AMPH: variants seen among roughly 807,000 people sequenced by gnomAD.
AMPH encodes amphiphysin (Stiff-Mann syndrome with breast cancer 128kD autoantigen).
Under a neutral mutation model 99.1 loss-of-function variants are expected in AMPH, and 49 were observed. That is an observed-to-expected ratio of 0.49 (90% CI 0.39 to 0.63). The LOEUF (loss-of-function observed/expected upper bound fraction) is 0.63. Ranked by LOEUF, AMPH falls within the 20% of genes least tolerant of loss-of-function variation. The probability of loss-of-function intolerance (pLI) is 0.00; values close to 1 mark genes in which losing one functional copy is unlikely to be tolerated. For synonymous variants in AMPH, 314 were observed against 317.3 expected (o/e 0.99, Z 0.11); for missense variants, 759 against 863.4 (o/e 0.88, Z 1.52).
At chr7:38,593,348 A>G (rs542726703) in intron 1 of AMPH, among the ~76,000 whole-genome samples, 1 of 152,362 alleles carries the variant, frequency 6.6e-6, no homozygotes, top group South Asian at 2.1e-4. Context: ...GAAAAAGAAA[A>G]GAAAAAAACA....
intron 7 of AMPH, among the ~76,000 whole-genome samples, chr7:38,469,667 C>T (rs1175807225): frequency 1.3e-5 from 2 of 152,180 alleles, no homozygotes; most frequent in Non-Finnish European, 2.9e-5. Context: ...ATCAACCTCT[C>T]AGCAAGACTC....
At chr7:38,567,192 T>C (rs1488986395) in intron 1 of AMPH, among the ~76,000 whole-genome samples, 2 of 152,124 alleles carry the variant, frequency 1.3e-5, no homozygotes, top group African/African-American at 4.8e-5. Context: ...ATATATACCA[T>C]GGAATACTAT....
At chr7:38,443,287 A>T (rs1335953054) in intron 11 of AMPH, among the ~76,000 whole-genome samples, 2 of 152,110 alleles carry the variant, frequency 1.3e-5, no homozygotes, top group Non-Finnish European at 2.9e-5. Flanking sequence ...AATTCTATCA[A>T]ACCTTTAAGC....
intron 2 of AMPH, among the ~76,000 whole-genome samples, chr7:38,507,523 G>A (rs574948843): frequency 1.3e-5 from 2 of 152,098 alleles, no homozygotes; most frequent in Admixed American, 1.3e-4. Flanking sequence ...AAAACTTATT[G>A]CACAATAAAA....
At chr7:38,392,632 A>C (rs1392628258) in intron 18 of AMPH, 1 of 152,370 alleles carries the variant, frequency 6.6e-6, no homozygotes, top group African/African-American at 2.4e-5. Flanking sequence ...TGATCCGCCC[A>C]CCTCGGCCTC....
Position 38,498,365 on chromosome 7 carries a change from C to T in AMPH, c.206-3838G>A, listed in dbSNP as rs532188866. Among the ~76,000 whole-genome samples, 5 of 152,286 alleles carry T rather than the reference C, an allele frequency of 3.3e-5. No individual in the cohort carries two copies. The East Asian group carries it at 9.6e-4, about 29-fold the overall frequency. ...TGTCCAACTGTCAGCCATCACAATA[C>T]AAAATATTTTTGGAGGCAACATAAC... On this transcript the variant is annotated intron_variant, in intron 3 of 20. Transcript: ENST00000356264.
At chr7:38,478,080 A>C (rs1431506633) in intron 5 of AMPH, among the ~76,000 whole-genome samples, 2 of 151,484 alleles carry the variant, frequency 1.3e-5, no homozygotes, top group East Asian at 3.9e-4. Flanking sequence ...ACAAACAAAC[A>C]AACAAACAAA....
intron 2 of AMPH, among the ~76,000 whole-genome samples, chr7:38,513,320 C>T (rs1188874692): frequency 1.3e-5 from 2 of 152,126 alleles, no homozygotes; most frequent in Non-Finnish European, 2.9e-5. Flanking sequence ...CAATTTCATA[C>T]TATTTAGCAA....
intron 10 of AMPH, among the ~76,000 whole-genome samples, chr7:38,462,454 G>A (rs1160413064): frequency 6.6e-6 from 1 of 152,112 alleles, no homozygotes; most frequent in Non-Finnish European, 1.5e-5. Flanking sequence ...TCTCTCTACA[G>A]TTACCTTTGC....
At chr7:38,390,637 C>T (rs1461192029) in intron 19 of AMPH, among the ~76,000 whole-genome samples, 2 of 152,076 alleles carry the variant, frequency 1.3e-5, no homozygotes, top group Non-Finnish European at 2.9e-5. Flanking sequence ...GCTGTCAGAG[C>T]TGGAAATGGA....
At chr7:38,506,902 T>C (rs113711263) in intron 2 of AMPH, among the ~76,000 whole-genome samples, 5 of 152,294 alleles carry the variant, frequency 3.3e-5, no homozygotes, top group African/African-American at 1.2e-4. Context: ...TGGAAATGTG[T>C]GAGGGACACC....
intron 2 of AMPH, among the ~76,000 whole-genome samples, chr7:38,504,704 A>G (rs1401970196): frequency 2.6e-5 from 4 of 152,164 alleles, no homozygotes; most frequent in African/African-American, 7.2e-5. Context: ...TCCCCAATAT[A>G]TCTATATAGA....
intron 11 of AMPH, among the ~76,000 whole-genome samples, chr7:38,438,695 A>G (rs1381835483): frequency 1.3e-5 from 2 of 152,196 alleles, no homozygotes; most frequent in Non-Finnish European, 2.9e-5. Context: ...ATCTGTGGTT[A>G]TACCCCAATT....
intron 17 of AMPH, among the ~76,000 whole-genome samples, chr7:38,405,617 A>T (rs151138087): frequency 5.3e-3 from 813 of 152,278 alleles, no homozygotes; most frequent in Non-Finnish European, 8.7e-3. Context: ...TTATATCATA[A>T]CAAGAGTTCA....
intron 1 of AMPH, among the ~76,000 whole-genome samples, chr7:38,593,803 A>T (rs1792946921): frequency 6.6e-6 from 1 of 152,218 alleles, no homozygotes; most frequent in Non-Finnish European, 1.5e-5. Context: ...CAAGACAAGT[A>T]AGTAAAACAC....
chr7:38,568,150 T>C (rs1791812540), intron 1 of AMPH, among the ~76,000 whole-genome samples: 1 of 152,212 alleles, frequency 6.6e-6, no homozygotes, highest in Admixed American at 6.5e-5. Flanking sequence ...GGGTATTACG[T>C]GCAAATTCAA....
intron 3 of AMPH, among the ~76,000 whole-genome samples, chr7:38,502,490 G>GCCCTGAA (rs1041592944): frequency 1.4e-4 from 22 of 152,132 alleles, no homozygotes; most frequent in Non-Finnish European, 4.4e-5. Flanking sequence ...TGAGCCCTGA[G>GCCCTGAA]CCTGTCCCAT....
intron 2 of AMPH, among the ~76,000 whole-genome samples, chr7:38,526,233 A>G (rs1790179689): frequency 6.6e-6 from 1 of 150,720 alleles, no homozygotes; most frequent in Non-Finnish European, 1.5e-5. Context: ...TGCCATCCAC[A>G]TATCTACTGC....
chr7:38,406,725 C>CTCTCT lies in AMPH; in HGVS notation c.1398+11099_1398+11100insAGAGA, dbSNP rs1293617761. 8.3e-4 allele frequency among the ~76,000 whole-genome samples: 49 copies of CTCTCT among 58,874 alleles called. 1 individual carries two copies. The highest frequency in any genetic ancestry group is 3.7e-3 in the East Asian group (8 of 2,160). 38.6% of individuals were successfully genotyped at this position (58,874 alleles called of 152,430 possible). On this transcript the variant is annotated intron_variant, in intron 17 of 20. Coordinates refer to ENST00000356264, the MANE Select transcript of AMPH (RefSeq NM_001635.4). ...TTCTCTCTCCTCTCCTCTCTCTCTC[C>CTCTCT]CTTTCCCTCTCTCTCTCTCTCTCTC...
Sources: gnomAD v4.1 joint callset for allele counts (sites outside exome capture counted in the v4.1 genomes callset) on GRCh38, gnomAD v4.1.1 for gene constraint, MANE v1.5 for transcripts, NCBI Gene and HGNC (gene_info 2026-07-23, HGNC 2026-07-21) for gene names.